Variants in POC1B observed in about 807,000 individuals in gnomAD.
The protein encoded by POC1B is POC1 centriolar protein homolog B.
POC1B carries 44 observed loss-of-function variants against 60.6 expected under a neutral mutation model. That is an observed-to-expected ratio of 0.73 (90% CI 0.57 to 0.93). The LOEUF (loss-of-function observed/expected upper bound fraction) is 0.93. Among genes scored for constraint, POC1B ranks in the 40% least tolerant of loss-of-function variants. POC1B has a pLI of 0.00. For missense variants in POC1B, 555 were observed against 572.3 expected, an observed-to-expected ratio of 0.97 and a Z score of 0.31; for synonymous variants, 180 against 198.9, an observed-to-expected ratio of 0.90 and a Z score of 0.80.
At chr12:89,437,340 C>T (rs1031587885) in intron 10 of POC1B, among the ~76,000 whole-genome samples, 1 of 152,186 alleles carries the variant, frequency 6.6e-6, no homozygotes, top group African/African-American at 2.4e-5. Context: ...CTTCAAAACA[C>T]ATTCGAGATC....
intron 4 of POC1B, among the ~76,000 whole-genome samples, chr12:89,480,706 T>G (rs1302687728): frequency 6.6e-6 from 1 of 150,696 alleles, no homozygotes; most frequent in Non-Finnish European, 1.5e-5. Flanking sequence ...GTTCACGCCA[T>G]TCTCTTGCCT....
At chr12:89,498,649 C>CA (rs1869381209) in intron 2 of POC1B, among the ~76,000 whole-genome samples, 1 of 152,030 alleles carries the variant, frequency 6.6e-6, no homozygotes, top group Admixed American at 6.6e-5. Context: ...TTAGCACCCC[C>CA]TTTTTAAAAA....
chr12:89,487,583 G>T (rs1868707204), intron 4 of POC1B, among the ~76,000 whole-genome samples: 1 of 152,150 alleles, frequency 6.6e-6, no homozygotes, highest in African/African-American at 2.4e-5. Context: ...GAGCTAACTT[G>T]CTCCAGGGTG....
At chr12:89,492,176 C>A in intron 3 of POC1B, 61 bp from the exon 4 acceptor site, 2 of 1,252,540 alleles carry the variant, frequency 1.6e-6, no homozygotes, top group Non-Finnish European at 1.1e-6. Context: ...AATACTTAAT[C>A]ACAATACAGA....
chr12:89,525,404 C>T (rs1440361572), intron 1 of POC1B, 200 bp from the exon 2 acceptor site: 1 of 1,390,508 alleles, frequency 7.2e-7, no homozygotes, highest in Non-Finnish European at 9.3e-7. Context: ...GGCGCCAGCT[C>T]TCCCCGCAGA....
rs148556639 is a variant in POC1B, at chr12:89,502,644, A to T, written c.101-5302T>A. 6.8e-5 allele frequency: 90 copies of T among 1,328,360 alleles called. No individual in the cohort carries two copies. The East Asian group carries it at 2.0e-3, about 30-fold the overall frequency. The allele number at this position is 1,328,360 out of a possible 1,614,324, so 82.3% of individuals were successfully genotyped here. ...CTCATGGATCTTGTAAGGCCACAAG[A>T]TACATATCAATTTTTTGTTAAGCAT... is the stretch of plus-strand genomic sequence containing the variant. On this transcript the variant is annotated intron_variant, in intron 2 of 11. Transcript: ENST00000313546.
intron 2 of POC1B, chr12:89,524,200 T>C: frequency 6.2e-7 from 1 of 1,614,016 alleles, no homozygotes; most frequent in Non-Finnish European, 8.5e-7. Context: ...TCTTTTATCC[T>C]CTATGTGTCG....
At chr12:89,421,990 G>A (rs1437882625) in intron 11 of POC1B, among the ~76,000 whole-genome samples, 2 of 151,314 alleles carry the variant, frequency 1.3e-5, no homozygotes, top group African/African-American at 4.9e-5. Flanking sequence ...GTTAAACTTG[G>A]GATATCTAAT....
the POC1B span, among the ~76,000 whole-genome samples, chr12:89,407,213 T>C: frequency 6.6e-6 from 1 of 151,692 alleles, no homozygotes; most frequent in Admixed American, 6.6e-5. Flanking sequence ...TTGATTTTTC[T>C]TTTTTCTTTT....
Position 89,459,689 on chromosome 12 carries a change from C to G in POC1B, c.1062G>C (p.Leu354Phe). 6.5e-7 allele frequency: 1 copy of G among 1,535,688 alleles called. No homozygotes were observed. Among genetic ancestry groups the G allele is most frequent in the Non-Finnish European group, 8.8e-7 (1 of 1,140,278 alleles). The change falls in exon 10 of 12, where the codon TTG becomes TTC. Residue 354 changes from leucine to phenylalanine, a missense_variant. By Grantham distance (22) the Leu-to-Phe change is conservative. Transcript: ENST00000313546. Reference sequence around the variant, plus strand: ...CCATAACAGGGGGAGTAGAGATCTGCAAATCGATTACCTCAAGCTTTGGAT... The same window carrying G: ...CCATAACAGGGGGAGTAGAGATCTGGAAATCGATTACCTCAAGCTTTGGAT... ...EINPKLEVID[L>F]QISTPPVMDI...
chr12:89,500,147 C>A, intron 2 of POC1B: 2 of 1,572,374 alleles, frequency 1.3e-6, no homozygotes, highest in Admixed American at 1.7e-5. Flanking sequence ...AAGATTTTGT[C>A]AACCTTCCAG....
intron 2 of POC1B, chr12:89,523,547 C>A (rs1871117287): frequency 6.2e-7 from 1 of 1,600,378 alleles, no homozygotes; most frequent in Non-Finnish European, 8.5e-7. Flanking sequence ...TTTTCACCTC[C>A]CCACACTTCC....
At chr12:89,501,458 A>G (rs554193540) in intron 2 of POC1B, 92 of 980,196 alleles carry the variant, frequency 9.4e-5, no homozygotes, top group Admixed American at 7.6e-4. Context: ...ATTACCCAAG[A>G]CAAATTTCAA....
intron 10 of POC1B, among the ~76,000 whole-genome samples, chr12:89,450,498 G>A (rs560154649): frequency 6.2e-4 from 95 of 152,176 alleles, no homozygotes; most frequent in African/African-American, 1.6e-3. Context: ...GAGCCACCGC[G>A]CCCTGCCCAA....
intron 3 of POC1B, among the ~76,000 whole-genome samples, chr12:89,492,547 A>G (rs1869038541): frequency 6.6e-6 from 1 of 152,214 alleles, no homozygotes; most frequent in Admixed American, 6.5e-5. Flanking sequence ...TCATATTGAT[A>G]CTCAAGATAA....
chr12:89,509,949 G>A, intron 2 of POC1B, among the ~76,000 whole-genome samples: 1 of 152,174 alleles, frequency 6.6e-6, no homozygotes, highest in East Asian at 1.9e-4. Flanking sequence ...GGGTTCAAGT[G>A]ATTCTTGTGC....
At chr12:89,466,954 T>C (rs1882709275) in intron 8 of POC1B, 32 bp from the exon 9 acceptor site, 3 of 1,590,030 alleles carry the variant, frequency 1.9e-6, no homozygotes, top group Non-Finnish European at 1.7e-6. Flanking sequence ...TTGGCAGTTA[T>C]TGACTTGCAT....
chr12:89,455,045 G>A (rs970160211), intron 10 of POC1B, among the ~76,000 whole-genome samples: 5 of 151,924 alleles, frequency 3.3e-5, no homozygotes, highest in African/African-American at 1.2e-4. Context: ...CTTATACCTC[G>A]CTTTCCCTCC....
At chr12:89,436,111 A>G (rs576595140) in intron 10 of POC1B, among the ~76,000 whole-genome samples, 29 of 151,868 alleles carry the variant, frequency 1.9e-4, no homozygotes, top group African/African-American at 6.8e-4. Context: ...TTCCCAGCTA[A>G]TTTTTCTATT....
Sources: allele counts gnomAD v4.1 joint callset (sites outside exome capture counted in the v4.1 genomes callset), GRCh38; gene constraint gnomAD v4.1.1; transcripts MANE v1.5; gene names NCBI Gene and HGNC (gene_info 2026-07-23, HGNC 2026-07-21).